Variants in TNS3 observed in about 807,000 individuals in gnomAD.
TNS3 encodes tensin-3.
TNS3 carries 45 observed loss-of-function variants against 140.9 expected under a neutral mutation model. The observed-to-expected ratio is 0.32, with a 90% CI of 0.25 to 0.41. The LOEUF is 0.41. TNS3 is among the 10% of genes least tolerant of loss of function. TNS3 has a pLI of 1.00. For synonymous variants in TNS3, 815 were observed against 788.4 expected (o/e 1.03, Z -0.56); for missense variants, 1,716 against 1,906.7 (o/e 0.90, Z 1.86).
At chr7:47,306,551 A>G (rs1042066653) in intron 20 of TNS3, among the ~76,000 whole-genome samples, 7 of 152,190 alleles carry the variant, frequency 4.6e-5, no homozygotes, top group Middle Eastern at 3.4e-3. Flanking sequence ...TTTAGCACGA[A>G]TTCTTTTCCT....
At position 47,495,210 on chromosome 7, in the gene TNS3, A is replaced by G. The variant is rs1475581177; in HGVS notation, c.-115+11697T>C. Among the ~76,000 whole-genome samples, 3 of 151,252 alleles carry G rather than the reference A, an allele frequency of 2.0e-5. No individual in the cohort carries two copies. The East Asian group carries it at 5.9e-4, about 30-fold the overall frequency. On this transcript the variant is annotated intron_variant, in intron 3 of 30. Coordinates refer to ENST00000311160, the MANE Select transcript of TNS3 (RefSeq NM_022748.12). Reference sequence around the variant, plus strand: ...CGTCTCAAAAAAAAAAAAAAAAAAAAAGAAACGTTCTTCTCCCCATGGAAC... The same window carrying G: ...CGTCTCAAAAAAAAAAAAAAAAAAAGAGAAACGTTCTTCTCCCCATGGAAC...
chr7:47,473,576 AAC>A (rs1470989460), intron 4 of TNS3, among the ~76,000 whole-genome samples: 3 of 152,296 alleles, frequency 2.0e-5, no homozygotes, highest in Middle Eastern at 3.4e-3. Flanking sequence ...GAGGGGTGGA[AAC>A]AATCTATAAG....
chr7:47,418,294 C>T (rs779754075), intron 10 of TNS3, among the ~76,000 whole-genome samples: 42 of 152,110 alleles, frequency 2.8e-4, no homozygotes, highest in African/African-American at 8.7e-4. Flanking sequence ...GAGCAAGACC[C>T]TGTCTCAAAG....
intron 30 of TNS3, 81 bp from the exon 31 acceptor site, chr7:47,278,301 T>C: frequency 6.7e-7 from 1 of 1,493,664 alleles, no homozygotes; most frequent in Non-Finnish European, 8.9e-7. Flanking sequence ...CCAGCGGCAC[T>C]GTCAGGAGGA....
intron 1 of TNS3, among the ~76,000 whole-genome samples, chr7:47,571,494 G>A (rs979677057): frequency 9.8e-6 from 1 of 102,242 alleles, no homozygotes; most frequent in Non-Finnish European, 2.0e-5. Flanking sequence ...TATGGGAAAC[G>A]GAAAAGCTGG....
chr7:47,555,011 A>C (rs978984059), intron 1 of TNS3, among the ~76,000 whole-genome samples: 2 of 151,948 alleles, frequency 1.3e-5, no homozygotes, highest in African/African-American at 2.4e-5. Flanking sequence ...CTGGCAACAG[A>C]GCGAGACTCT....
At chr7:47,495,166 G>C (rs1213965993) in intron 3 of TNS3, among the ~76,000 whole-genome samples, 1 of 145,044 alleles carries the variant, frequency 6.9e-6, no homozygotes, top group Non-Finnish European at 1.5e-5. Context: ...ACCCCAGCCT[G>C]GGCGACAGAG....
chr7:47,311,338 G>C (rs1787079558), intron 20 of TNS3, among the ~76,000 whole-genome samples: 1 of 151,752 alleles, frequency 6.6e-6, no homozygotes. Flanking sequence ...ACACCAACAT[G>C]GCACATGTAT....
chr7:47,367,848 G>T (rs2151138534), intron 17 of TNS3, among the ~76,000 whole-genome samples: 1 of 152,306 alleles, frequency 6.6e-6, no homozygotes, highest in African/African-American at 2.4e-5. Flanking sequence ...TTTGTAATCA[G>T]AACATTTTAT....
intron 2 of TNS3, among the ~76,000 whole-genome samples, chr7:47,518,687 GT>G (rs997478409): frequency 3.3e-5 from 5 of 152,114 alleles, no homozygotes; most frequent in Admixed American, 3.3e-4. Flanking sequence ...AAATAAATAA[GT>G]AAATAAATAA....
intron 1 of TNS3, among the ~76,000 whole-genome samples, chr7:47,578,392 A>C (rs1479538437): frequency 2.0e-5 from 3 of 152,134 alleles, no homozygotes; most frequent in Non-Finnish European, 4.4e-5. Flanking sequence ...AGGGACCCTA[A>C]ATTGTGTGCA....
intron 20 of TNS3, among the ~76,000 whole-genome samples, chr7:47,337,932 T>C (rs1354328720): frequency 6.6e-6 from 1 of 152,262 alleles, no homozygotes; most frequent in African/African-American, 2.4e-5. Context: ...TTTTGCCATG[T>C]AAAAAGTGTG....
intron 20 of TNS3, among the ~76,000 whole-genome samples, chr7:47,306,806 T>C (rs989035787): frequency 2.0e-5 from 3 of 152,194 alleles, no homozygotes; most frequent in Admixed American, 6.5e-5. Flanking sequence ...TACGATCTCC[T>C]GAACTCGTGA....
intron 3 of TNS3, chr7:47,481,612 C>T (rs1797421846): frequency 1.0e-6 from 1 of 968,266 alleles, no homozygotes; most frequent in African/African-American, 1.8e-5. Flanking sequence ...AGAACTATTT[C>T]TACAAGTAGA....
chr7:47,326,990 G>T (rs1057145113), intron 20 of TNS3, among the ~76,000 whole-genome samples: 12 of 149,674 alleles, frequency 8.0e-5, no homozygotes, highest in Non-Finnish European at 1.8e-4. Flanking sequence ...CTTCCAGCTG[G>T]AATACACACA....
chr7:47,298,998 C>T (rs911202202), intron 23 of TNS3, among the ~76,000 whole-genome samples: 3 of 152,198 alleles, frequency 2.0e-5, no homozygotes, highest in Non-Finnish European at 4.4e-5. Flanking sequence ...GCCGCCCATG[C>T]AAGGGACCCA....
At chr7:47,503,478 A>G (rs1798301713) in intron 3 of TNS3, among the ~76,000 whole-genome samples, 1 of 152,130 alleles carries the variant, frequency 6.6e-6, no homozygotes, top group Non-Finnish European at 1.5e-5. Flanking sequence ...AAAGCAAGTC[A>G]TGATGCCCAC....
chr7:47,556,271 G>A (rs1282250575), intron 1 of TNS3, among the ~76,000 whole-genome samples: 2 of 152,110 alleles, frequency 1.3e-5, no homozygotes, highest in Non-Finnish European at 1.5e-5. Context: ...AAATCAAAAC[G>A]TGATTTTTAA....
At chr7:47,519,122 C>T (rs1798877306) in intron 2 of TNS3, among the ~76,000 whole-genome samples, 1 of 152,144 alleles carries the variant, frequency 6.6e-6, no homozygotes, top group African/African-American at 2.4e-5. Flanking sequence ...CAGTGAGACC[C>T]ACTGAGGCCC....
Sources: allele counts gnomAD v4.1 joint callset (sites outside exome capture counted in the v4.1 genomes callset), GRCh38; gene constraint gnomAD v4.1.1; transcripts MANE v1.5; gene names NCBI Gene and HGNC (gene_info 2026-07-23, HGNC 2026-07-21).